FOXN3: variants seen among roughly 807,000 people sequenced by gnomAD.
The protein encoded by FOXN3 is forkhead box protein N3.
In FOXN3, 7 loss-of-function variants were observed where a neutral mutation model predicts 38.4. The ratio of observed to expected loss-of-function variants is 0.18; its 90% CI spans 0.10 to 0.34. The LOEUF (loss-of-function observed/expected upper bound fraction) is 0.34. Among genes scored for constraint, FOXN3 ranks in the 10% least tolerant of loss-of-function variants. FOXN3 has a pLI of 1.00. For missense variants in FOXN3, 456 were observed against 613.4 expected (o/e 0.74, Z 2.71); for synonymous variants, 230 against 242.2 (o/e 0.95, Z 0.47).
chr14:89,495,232 G>A (rs561250258), intron 1 of FOXN3, among the ~76,000 whole-genome samples: 63 of 152,162 alleles, frequency 4.1e-4, no homozygotes, highest in Non-Finnish European at 7.2e-4. Context: ...TACAATTTTC[G>A]CACTAAATAA....
At chr14:89,194,172 C>CT (rs1383098509) in intron 4 of FOXN3, among the ~76,000 whole-genome samples, 1 of 151,912 alleles carries the variant, frequency 6.6e-6, no homozygotes, top group East Asian at 1.9e-4. Flanking sequence ...AAGCAGAAGT[C>CT]TTTAATTTTT....
intron 3 of FOXN3, among the ~76,000 whole-genome samples, chr14:89,301,692 C>T (rs1299887425): frequency 1.3e-5 from 2 of 151,910 alleles, no homozygotes; most frequent in African/African-American, 4.8e-5. Context: ...TGCTTGAACC[C>T]GGGAGGCAGA....
At position 89,467,809 on chromosome 14, in the gene FOXN3, T is replaced by TTG. The variant is rs1473033991; in HGVS notation, c.-14-55320_-14-55319insCA. Among the ~76,000 whole-genome samples the TTG allele has an allele frequency of 2.4e-5, 3 of 124,870 alleles. No individual in the cohort carries two copies. In the Admixed American group the frequency reaches 2.4e-4, roughly 10 times the overall value. The allele number at this position is 124,870 out of a possible 152,430, so 81.9% of individuals were successfully genotyped here. ...TCCTTTTCTTTTCTTTCTTTGTTTT[T>TTG]TTTTTTTTTTTTTTTTTTTGGGTAG... On this transcript the variant is annotated intron_variant, in intron 1 of 6. Transcript: ENST00000345097.
chr14:89,225,565 C>A (rs541054195), intron 4 of FOXN3, among the ~76,000 whole-genome samples: 2 of 152,138 alleles, frequency 1.3e-5, no homozygotes, highest in East Asian at 3.9e-4. Context: ...GATCGTGCCA[C>A]TACACTCCAG....
intron 1 of FOXN3, among the ~76,000 whole-genome samples, chr14:89,540,004 G>T (rs143556596): frequency 6.6e-6 from 1 of 152,162 alleles, no homozygotes; most frequent in African/African-American, 2.4e-5. Flanking sequence ...AGTGCCCTCG[G>T]CTGTTTCTAC....
intron 3 of FOXN3, among the ~76,000 whole-genome samples, chr14:89,339,045 G>A (rs1259267105): frequency 2.6e-5 from 4 of 152,162 alleles, no homozygotes; most frequent in African/African-American, 9.7e-5. Context: ...TTGTTACCCA[G>A]GCTGGAGTGC....
chr14:89,273,585 C>T (rs80285601), intron 4 of FOXN3, among the ~76,000 whole-genome samples: 5,836 of 152,242 alleles, frequency 0.038, 372 homozygotes, highest in African/African-American at 0.13. Flanking sequence ...CAAGAGATGG[C>T]AAAGATCAGA....
chr14:89,329,716 G>A (rs954825548), intron 3 of FOXN3, among the ~76,000 whole-genome samples: 19 of 151,858 alleles, frequency 1.3e-4, no homozygotes, highest in Non-Finnish European at 2.5e-4. Flanking sequence ...CAAATTAGCC[G>A]GGTGTGGTGG....
chr14:89,288,042 C>T (rs1156820412), intron 3 of FOXN3, among the ~76,000 whole-genome samples: 1 of 122,710 alleles, frequency 8.1e-6, no homozygotes, highest in East Asian at 2.4e-4. Flanking sequence ...GCCTGGGCAA[C>T]AGAGCAAGAC....
At chr14:89,387,029 G>C (rs1412668968) in intron 2 of FOXN3, among the ~76,000 whole-genome samples, 1 of 152,204 alleles carries the variant, frequency 6.6e-6, no homozygotes, top group Non-Finnish European at 1.5e-5. Flanking sequence ...GGCCGAGGCA[G>C]GTGGATCACT....
At chr14:89,304,501 G>C (rs1031018395) in intron 3 of FOXN3, among the ~76,000 whole-genome samples, 2 of 152,128 alleles carry the variant, frequency 1.3e-5, no homozygotes, top group African/African-American at 4.8e-5. Context: ...ACAACAGGGG[G>C]TGCTTTTTAA....
At chr14:89,569,852 A>T (rs1231781235) in intron 1 of FOXN3, among the ~76,000 whole-genome samples, 2 of 152,064 alleles carry the variant, frequency 1.3e-5, no homozygotes, top group African/African-American at 4.8e-5. Context: ...GACTCCTCTT[A>T]CCACCCAGGG....
chr14:89,247,745 A>G (rs955305159), intron 4 of FOXN3, among the ~76,000 whole-genome samples: 2 of 152,196 alleles, frequency 1.3e-5, no homozygotes, highest in Non-Finnish European at 2.9e-5. Context: ...TATAAAAAGT[A>G]CACCAGATTT....
intron 4 of FOXN3, among the ~76,000 whole-genome samples, chr14:89,187,288 A>G (rs959155815): frequency 6.6e-6 from 1 of 152,214 alleles, no homozygotes; most frequent in African/African-American, 2.4e-5. Flanking sequence ...AACAGAGCCC[A>G]GCCATAGCAC....
chr14:89,602,353 G>A (rs114247956), intron 1 of FOXN3, among the ~76,000 whole-genome samples: 6,908 of 151,620 alleles, frequency 0.046, 497 homozygotes, highest in African/African-American at 0.16. Flanking sequence ...TGAGTAAGAG[G>A]CAGACCATAA....
At chr14:89,552,838 C>T (rs1479135396) in intron 1 of FOXN3, among the ~76,000 whole-genome samples, 1 of 152,056 alleles carries the variant, frequency 6.6e-6, no homozygotes, top group Admixed American at 6.6e-5. Flanking sequence ...TTGCAGTGAG[C>T]CAAGATCGCA....
chr14:89,520,017 CTT>C (rs56854196), intron 1 of FOXN3, among the ~76,000 whole-genome samples: 7,015 of 132,302 alleles, frequency 0.053, 587 homozygotes, highest in African/African-American at 0.18. Flanking sequence ...TTCTTTTTTT[CTT>C]TTTTTTTTTT....
upstream of FOXN3, among the ~76,000 whole-genome samples, chr14:89,420,298 T>C (rs905544647): frequency 2.6e-4 from 40 of 152,286 alleles, no homozygotes; most frequent in Admixed American, 2.6e-3. Flanking sequence ...CCTACGCGCA[T>C]GGCCCCCCAC....
intron 4 of FOXN3, among the ~76,000 whole-genome samples, chr14:89,253,530 T>A (rs1358109824): frequency 1.3e-5 from 2 of 152,152 alleles, no homozygotes; most frequent in Non-Finnish European, 1.5e-5. Flanking sequence ...AAAGATCAAG[T>A]CTTATTTCAC....
Sources: gnomAD v4.1 joint callset for allele counts (sites outside exome capture counted in the v4.1 genomes callset) on GRCh38, gnomAD v4.1.1 for gene constraint, MANE v1.5 for transcripts, NCBI Gene and HGNC (gene_info 2026-07-23, HGNC 2026-07-21) for gene names.